The following FRMD4A variants were observed in gnomAD, a reference collection of about 807,000 sequenced individuals.
FRMD4A encodes FERM domain containing 4A.
A neutral mutation model predicts 129.1 loss-of-function variants in FRMD4A; 29 were observed. The observed-to-expected ratio is 0.22, with a 90% CI of 0.17 to 0.31. FRMD4A has a LOEUF of 0.31. FRMD4A is among the 10% of genes least tolerant of loss of function. The pLI, the probability that FRMD4A is intolerant of heterozygous loss-of-function variation, is 1.00. For missense variants in FRMD4A, 1,272 were observed against 1,375.8 expected (o/e 0.92, Z 1.19); for synonymous variants, 634 against 571.6 (o/e 1.11, Z -1.56).
intron 2 of FRMD4A, among the ~76,000 whole-genome samples, chr10:14,034,467 T>G (rs1452049396): frequency 1.3e-5 from 2 of 152,180 alleles, no homozygotes; most frequent in Non-Finnish European, 2.9e-5. Flanking sequence ...CATGGGAGGA[T>G]GTCTCTTGCC....
intron 2 of FRMD4A, among the ~76,000 whole-genome samples, chr10:14,126,775 A>G (rs1388719880): frequency 2.0e-5 from 3 of 152,306 alleles, no homozygotes; most frequent in African/African-American, 7.2e-5. Flanking sequence ...TGTGGGTCTT[A>G]TAGGAAGGAT....
intron 12 of FRMD4A, among the ~76,000 whole-genome samples, chr10:13,730,889 A>G (rs1248915367): frequency 1.4e-5 from 2 of 140,932 alleles, no homozygotes; most frequent in South Asian, 2.3e-4. Flanking sequence ...TTAGCCAGGC[A>G]TGGTGACACA....
At chr10:13,848,871 T>C (rs1342863697) in intron 3 of FRMD4A, among the ~76,000 whole-genome samples, 1 of 152,190 alleles carries the variant, frequency 6.6e-6, no homozygotes, top group Non-Finnish European at 1.5e-5. Flanking sequence ...CCCAAGAGTA[T>C]GTTTTATGGA....
chr10:14,231,396 G>A (rs1843634380), intron 2 of FRMD4A, among the ~76,000 whole-genome samples: 1 of 150,512 alleles, frequency 6.6e-6, no homozygotes, highest in Non-Finnish European at 1.5e-5. Flanking sequence ...AGGCTGGAGT[G>A]CAGTGGCATG....
chr10:13,907,420 G>A lies in FRMD4A; in HGVS notation c.46-48508C>T, dbSNP rs187001161. On this transcript the variant is annotated intron_variant, in intron 2 of 24. Transcript: ENST00000357447. ...AGAAATCGAGGCTCAGGAACATTAA[G>A]TAACTTGCCAAAAGTCTATACCTAG... 3.9e-5 allele frequency among the ~76,000 whole-genome samples: 6 copies of A among 152,258 alleles called. No homozygotes were observed. In the East Asian group the frequency reaches 1.2e-3, roughly 29 times the overall value.
chr10:14,229,441 G>A (rs371934922), intron 2 of FRMD4A, among the ~76,000 whole-genome samples: 17 of 152,182 alleles, frequency 1.1e-4, no homozygotes, highest in Middle Eastern at 3.4e-3. Flanking sequence ...ATGGAAATAC[G>A]TCAACCAGAG....
At chr10:13,759,348 G>C in intron 8 of FRMD4A, among the ~76,000 whole-genome samples, 1 of 152,212 alleles carries the variant, frequency 6.6e-6, no homozygotes, top group East Asian at 1.9e-4. Context: ...AGGGGGCCAT[G>C]AATTACTGTG....
chr10:14,079,090 T>G (rs7920328), intron 2 of FRMD4A, among the ~76,000 whole-genome samples: 32,680 of 152,144 alleles, frequency 0.21, 5,314 homozygotes, highest in African/African-American at 0.46. Flanking sequence ...GTTGGGCCCA[T>G]AGTACTAGCT....
chr10:14,073,893 C>T (rs1835435221), intron 2 of FRMD4A, among the ~76,000 whole-genome samples: 2 of 152,118 alleles, frequency 1.3e-5, no homozygotes, highest in Admixed American at 1.3e-4. Flanking sequence ...GGGAGGATCA[C>T]TTGAGGGCAG....
chr10:13,721,020 T>C (rs550750840), intron 12 of FRMD4A, among the ~76,000 whole-genome samples: 3 of 152,326 alleles, frequency 2.0e-5, no homozygotes, highest in African/African-American at 7.2e-5. Context: ...ATGTCCAGAA[T>C]AGGCAAATCC....
chr10:13,816,024 G>C (rs1410272481), intron 3 of FRMD4A, among the ~76,000 whole-genome samples: 1 of 152,202 alleles, frequency 6.6e-6, no homozygotes, highest in African/African-American at 2.4e-5. Context: ...GCTCTGAGCA[G>C]TAGCTGCCTG....
At chr10:14,177,930 A>G (rs959796487) in intron 2 of FRMD4A, among the ~76,000 whole-genome samples, 1 of 152,230 alleles carries the variant, frequency 6.6e-6, no homozygotes, top group Non-Finnish European at 1.5e-5. Flanking sequence ...GAACCTATCA[A>G]TTAGCTCCTG....
At chr10:13,977,267 A>G (rs1359457859) in intron 2 of FRMD4A, among the ~76,000 whole-genome samples, 3 of 152,206 alleles carry the variant, frequency 2.0e-5, no homozygotes, top group Admixed American at 1.3e-4. Flanking sequence ...TCCAGGTCTT[A>G]ACTACTAATC....
chr10:13,891,901 A>G, intron 2 of FRMD4A: 3 of 251,690 alleles, frequency 1.2e-5, no homozygotes, highest in Non-Finnish European at 1.8e-5. Context: ...GGCCCGCCGC[A>G]TGGTGCGCCC....
intron 2 of FRMD4A, among the ~76,000 whole-genome samples, chr10:13,904,936 T>A (rs1242454259): frequency 7.6e-6 from 1 of 132,002 alleles, no homozygotes; most frequent in African/African-American, 2.9e-5. Flanking sequence ...GAGGTTGCAG[T>A]GAGCGGAGAT....
chr10:14,105,714 T>G (rs962236723), intron 2 of FRMD4A, among the ~76,000 whole-genome samples: 1 of 152,248 alleles, frequency 6.6e-6, no homozygotes, highest in African/African-American at 2.4e-5. Context: ...AGTGATTGAC[T>G]GGTATGTCTC....
At chr10:14,270,173 TAGACTG>T (rs1410880144) in intron 2 of FRMD4A, among the ~76,000 whole-genome samples, 1 of 152,214 alleles carries the variant, frequency 6.6e-6, no homozygotes, top group Non-Finnish European at 1.5e-5. Flanking sequence ...CCTCTGGACT[TAGACTG>T]AGTTATGTTA....
intron 6 of FRMD4A, among the ~76,000 whole-genome samples, chr10:13,771,628 C>T (rs1329069777): frequency 6.6e-6 from 1 of 152,186 alleles, no homozygotes. Flanking sequence ...AAAATCCACT[C>T]AGAAAAATGC....
At chr10:13,925,062 T>TAAAAAAAAAA (rs57484737) in intron 2 of FRMD4A, among the ~76,000 whole-genome samples, 12 of 103,216 alleles carry the variant, frequency 1.2e-4, no homozygotes, top group African/African-American at 2.3e-4. Context: ...AGACTCCGTG[T>TAAAAAAAAAA]AAAAAAAAAA....
Sources: gnomAD v4.1 joint callset for allele counts (sites outside exome capture counted in the v4.1 genomes callset) on GRCh38, gnomAD v4.1.1 for gene constraint, MANE v1.5 for transcripts, NCBI Gene and HGNC (gene_info 2026-07-23, HGNC 2026-07-21) for gene names.